Variants in SCYL2 observed in about 807,000 individuals in gnomAD.
SCYL2 encodes the protein SCY1 like pseudokinase 2, also known as SCY1-like protein 2.
A neutral mutation model predicts 100.4 loss-of-function variants in SCYL2; 36 were observed. That is an observed-to-expected ratio of 0.36 (90% CI 0.27 to 0.47). The LOEUF is 0.47. Ranked by LOEUF, SCYL2 falls within the 20% of genes least tolerant of loss-of-function variation. SCYL2 has a pLI of 1.00. For missense variants in SCYL2, 902 were observed against 1,083.9 expected (o/e 0.83, Z 2.36); for synonymous variants, 330 against 359.2 (o/e 0.92, Z 0.92).
At chr12:100,295,720 CGGGAGA>C (rs935826080) in intron 3 of SCYL2, among the ~76,000 whole-genome samples, 6 of 150,840 alleles carry the variant, frequency 4.0e-5, no homozygotes, top group South Asian at 4.2e-4. Flanking sequence ...CGTGGGGAGA[CGGGAGA>C]GGGAGAGGGA....
intron 13 of SCYL2, chr12:100,333,704 C>G (rs959249827): frequency 6.5e-6 from 1 of 152,986 alleles, no homozygotes; most frequent in Non-Finnish European, 1.5e-5. Context: ...TTTCAACTGT[C>G]AGAAAACAGG....
At chr12:100,298,890 C>A (rs1398289637) in intron 4 of SCYL2, among the ~76,000 whole-genome samples, 1 of 152,048 alleles carries the variant, frequency 6.6e-6, no homozygotes, top group Non-Finnish European at 1.5e-5. Flanking sequence ...CTAGCCTTTT[C>A]ATATATGCTC....
At position 100,324,285 on chromosome 12, in the gene SCYL2, A is replaced by C. The variant is rs753765799; in HGVS notation, c.1509+647A>C. Reference sequence around the variant, plus strand: ...CCCAGCCTTTTCTCTAACACTAAATATAATAGTTTATCACATTTATATTTC... The same window carrying C: ...CCCAGCCTTTTCTCTAACACTAAATCTAATAGTTTATCACATTTATATTTC... On this transcript the variant is annotated intron_variant, in intron 11 of 17. Coordinates refer to ENST00000360820, the MANE Select transcript of SCYL2 (RefSeq NM_017988.6). Among the ~76,000 whole-genome samples, 3 of 152,294 alleles carry C rather than the reference A, an allele frequency of 2.0e-5. No homozygotes were observed. The South Asian group carries it at 6.2e-4, about 32-fold the overall frequency.
chr12:100,271,216 G>T (rs76891700), intron 1 of SCYL2, among the ~76,000 whole-genome samples: 1 of 137,472 alleles, frequency 7.3e-6, no homozygotes. Flanking sequence ...TACATCTTAA[G>T]GCCAACTCTG....
At chr12:100,319,686 A>AT (rs960566750) in intron 10 of SCYL2, among the ~76,000 whole-genome samples, 6 of 151,754 alleles carry the variant, frequency 4.0e-5, no homozygotes, top group South Asian at 2.1e-4. Flanking sequence ...TGCCTGGCTA[A>AT]TTTTTTTTGT....
chr12:100,282,125 A>G (rs1033755868), intron 1 of SCYL2, among the ~76,000 whole-genome samples: 2 of 151,900 alleles, frequency 1.3e-5, no homozygotes, highest in African/African-American at 4.8e-5. Context: ...CCCGGGTTCA[A>G]GCAATTCTTG....
intron 4 of SCYL2, among the ~76,000 whole-genome samples, chr12:100,299,644 T>C (rs2096325227): frequency 6.6e-6 from 1 of 152,198 alleles, no homozygotes; most frequent in Non-Finnish European, 1.5e-5. Context: ...TCGGTCTGGC[T>C]TCTTTTAACC....
Position 100,267,261 on chromosome 12 carries a change from G to A in SCYL2, c.-560G>A, listed in dbSNP as rs2096278586. ...TTCTAGCTCCGACGTTTGCGGCCGC[G>A]GGGGCGGCGGAGGATATGGAGTAAA... On this transcript the variant is annotated 5_prime_UTR_variant, in exon 1 of 18. Coordinates refer to ENST00000360820, the MANE Select transcript of SCYL2 (RefSeq NM_017988.6). 3.2e-6 allele frequency: 2 copies of A among 622,118 alleles called. No individual in the cohort carries two copies. The highest frequency in any genetic ancestry group is 5.5e-6 in the Non-Finnish European group (2 of 366,672). The allele number at this position is 622,118 out of a possible 1,614,324, so 38.5% of individuals were successfully genotyped here.
intron 3 of SCYL2, among the ~76,000 whole-genome samples, chr12:100,292,910 T>C (rs1031834997): frequency 6.6e-6 from 1 of 152,218 alleles, no homozygotes; most frequent in African/African-American, 2.4e-5. Flanking sequence ...CTCGAACTCC[T>C]GGACTCAAGT....
chr12:100,316,101 ATTATT>A (rs1206063105), intron 9 of SCYL2, among the ~76,000 whole-genome samples: 3 of 152,096 alleles, frequency 2.0e-5, no homozygotes, highest in African/African-American at 7.2e-5. Flanking sequence ...AGTATTTTTG[ATTATT>A]TTGTTATTTA....
chr12:100,313,139 T>A (rs1034299553), intron 6 of SCYL2, among the ~76,000 whole-genome samples: 1 of 152,046 alleles, frequency 6.6e-6, no homozygotes, highest in African/African-American at 2.4e-5. Flanking sequence ...CAAAAAAATA[T>A]TTTTTTCAAA....
rs773486978 is a variant in SCYL2 at position 100,317,797 on chromosome 12, A to G, written c.1273-6A>G. On this transcript the variant is annotated splice_region_variant and splice_polypyrimidine_tract_variant and intron_variant, in intron 9 of 17. Transcript: ENST00000360820. ...TTTTAATACATTGTTTCCGTTTTCT[A>G]AACAGATTTTGTTAATTTTCCTACA... The G allele has an allele frequency of 1.3e-6, 2 of 1,589,314 alleles. No individual in the cohort carries two copies. Among genetic ancestry groups the G allele is most frequent in the Non-Finnish European group, 1.7e-6 (2 of 1,174,366 alleles).
chr12:100,280,984 G>A (rs1186770065), intron 1 of SCYL2, among the ~76,000 whole-genome samples: 1 of 134,540 alleles, frequency 7.4e-6, no homozygotes, highest in East Asian at 2.2e-4. Context: ...CTGACTGTAT[G>A]CTTATGTGTA....
chr12:100,314,645 C>A, intron 8 of SCYL2, 31 bp downstream of exon 8: 3 of 1,561,214 alleles, frequency 1.9e-6, no homozygotes, highest in Non-Finnish European at 2.6e-6. Context: ...TATTAATAAT[C>A]AGGATTTTAG....
intron 4 of SCYL2, among the ~76,000 whole-genome samples, chr12:100,302,280 C>T (rs1404973997): frequency 6.6e-6 from 1 of 152,184 alleles, no homozygotes; most frequent in African/African-American, 2.4e-5. Flanking sequence ...CTCCCTAGAT[C>T]TCCCTAGGAC....
intron 4 of SCYL2, 126 bp from the exon 5 acceptor site, chr12:100,310,918 T>A: frequency 2.3e-6 from 2 of 870,338 alleles, no homozygotes; most frequent in Non-Finnish European, 1.6e-6. Flanking sequence ...ATGATGAAAT[T>A]TGATTTTTAG....
rs746039563 is a variant in SCYL2, at chr12:100,337,476, A to C, written c.2115A>C (p.Gln705His). Reference protein sequence around the residue: ...KLKSQQPLKPQVHTPVATVKQ... With the variant: ...KLKSQQPLKPHVHTPVATVKQ... ...AAAGCCAGCAGCCTCTTAAACCCCA[A>C]GTGCACACACCTGTTGCTACTGTTA... Residue 705 changes from glutamine to histidine, a missense_variant, in exon 17 of 18, where the codon CAA (glutamine) becomes CAC (histidine). Physicochemically the swap from Gln to His is conservative, Grantham distance 24. Transcript: ENST00000360820. 3.1e-6 allele frequency: 5 copies of C among 1,613,244 alleles called. No homozygotes were observed. Among genetic ancestry groups the C allele is most frequent in the African/African-American group, 2.7e-5 (2 of 74,886 alleles).
chr12:100,280,483 T>C (rs1488550548), intron 1 of SCYL2, among the ~76,000 whole-genome samples: 1 of 152,170 alleles, frequency 6.6e-6, no homozygotes, highest in Non-Finnish European at 1.5e-5. Context: ...TGAAAAGTCT[T>C]CATGTAACCC....
chr12:100,271,417 A>C (rs1306080011), intron 1 of SCYL2, among the ~76,000 whole-genome samples: 5 of 152,180 alleles, frequency 3.3e-5, no homozygotes, highest in African/African-American at 4.8e-5. Context: ...TTCTGAATGT[A>C]ATTCTTGAAT....
Sources: allele counts gnomAD v4.1 joint callset (sites outside exome capture counted in the v4.1 genomes callset), GRCh38; gene constraint gnomAD v4.1.1; transcripts MANE v1.5; gene names NCBI Gene and HGNC (gene_info 2026-07-23, HGNC 2026-07-21).